The following DST variants were observed in gnomAD, a reference collection of about 807,000 sequenced individuals.
DST encodes dystonin, also known as bullous pemphigoid antigen.
In DST, 253 loss-of-function variants were observed where a neutral mutation model predicts 875.2. The observed-to-expected ratio is 0.29, with a 90% CI of 0.26 to 0.32. DST has a LOEUF of 0.32. Among genes scored for constraint, DST ranks in the 10% least tolerant of loss-of-function variants. The pLI is 1.00. For missense variants in DST, 8,287 were observed against 9,111.6 expected, an observed-to-expected ratio of 0.91 and a Z score of 3.68; for synonymous variants, 3,124 against 3,197.1, an observed-to-expected ratio of 0.98 and a Z score of 0.77.
At chr6:56,599,677 A>G (rs571547308) in intron 45 of DST, among the ~76,000 whole-genome samples, 21 of 152,224 alleles carry the variant, frequency 1.4e-4, no homozygotes, top group African/African-American at 5.1e-4. Context: ...GGAACAAATC[A>G]CAAGAAAGAA....
At chr6:56,613,906 T>C (rs1385998585) in intron 37 of DST, among the ~76,000 whole-genome samples, 3 of 152,234 alleles carry the variant, frequency 2.0e-5, no homozygotes, top group Non-Finnish European at 1.5e-5. Flanking sequence ...CTAAAGTCAA[T>C]AATCAAGAAT....
chr6:56,565,438 T>C (rs1174589542), intron 55 of DST, among the ~76,000 whole-genome samples: 10 of 152,152 alleles, frequency 6.6e-5, no homozygotes. Context: ...TCTTTTTCTA[T>C]TGTTTGGAAT....
intron 10 of DST, among the ~76,000 whole-genome samples, chr6:56,668,748 A>AC (rs1444075770): frequency 6.6e-6 from 1 of 152,028 alleles, no homozygotes; most frequent in East Asian, 1.9e-4. Context: ...AGCCGGGGCA[A>AC]CAAGAACAAA....
At chr6:56,687,867 G>C (rs1004670422) in intron 9 of DST, among the ~76,000 whole-genome samples, 6 of 151,696 alleles carry the variant, frequency 4.0e-5, no homozygotes, top group Non-Finnish European at 8.8e-5. Flanking sequence ...ATTTTAACTG[G>C]TACAAACTGC....
At chr6:56,503,594 T>TAAACAC (rs1554261511) in intron 78 of DST, among the ~76,000 whole-genome samples, 1 of 140,806 alleles carries the variant, frequency 7.1e-6, no homozygotes. Flanking sequence ...TACCTATACA[T>TAAACAC]ACACACACAC....
At chr6:56,544,876 T>C (rs934725217) in intron 61 of DST, among the ~76,000 whole-genome samples, 2 of 152,202 alleles carry the variant, frequency 1.3e-5, no homozygotes, top group African/African-American at 2.4e-5. Context: ...AGCTCATATA[T>C]AGAGCAGAAC....
chr6:56,574,024 GC>G, intron 50 of DST, 137 bp from the exon 51 acceptor site: 5 of 595,214 alleles, frequency 8.4e-6, no homozygotes, highest in Non-Finnish European at 1.4e-5. Flanking sequence ...AATTCCTAAT[GC>G]ATAATCAGAA....
chr6:56,725,801 T>C (rs1242105033), intron 5 of DST, among the ~76,000 whole-genome samples: 1 of 152,164 alleles, frequency 6.6e-6, no homozygotes, highest in African/African-American at 2.4e-5. Context: ...CCTCTAAGAA[T>C]GACTTATGAA....
At chr6:56,907,695 T>C (rs572918228) in intron 2 of DST, among the ~76,000 whole-genome samples, 75 of 152,194 alleles carry the variant, frequency 4.9e-4, no homozygotes, top group Non-Finnish European at 1.0e-3. Context: ...GAATATATGT[T>C]GACTGATTAA....
At chr6:56,622,337 A>C (rs541854546) in intron 36 of DST, among the ~76,000 whole-genome samples, 2 of 152,222 alleles carry the variant, frequency 1.3e-5, no homozygotes, top group East Asian at 3.9e-4. Flanking sequence ...TTGGGAACCC[A>C]AGGCGGGTGG....
intron 4 of DST, chr6:56,851,127 T>G: frequency 2.0e-6 from 1 of 500,482 alleles, no homozygotes; most frequent in Non-Finnish European, 3.6e-6. Flanking sequence ...GAAAGTTTAG[T>G]GCAAATGTCT....
intron 77 of DST, among the ~76,000 whole-genome samples, chr6:56,504,909 T>G (rs986753967): frequency 6.6e-6 from 1 of 152,074 alleles, no homozygotes; most frequent in African/African-American, 2.4e-5. Context: ...AGCTCTTGTT[T>G]TGACAGGATC....
intron 4 of DST, among the ~76,000 whole-genome samples, chr6:56,782,361 T>C (rs1317865128): frequency 6.6e-6 from 1 of 152,164 alleles, no homozygotes; most frequent in African/African-American, 2.4e-5. Context: ...CCTGGACTCT[T>C]TTTGGTTGGT....
intron 48 of DST, 111 bp downstream of exon 48, chr6:56,593,552 A>C: frequency 1.4e-6 from 1 of 725,828 alleles, no homozygotes; most frequent in African/African-American, 1.9e-5. Context: ...GGCTAAAGCT[A>C]CCTTTTCCTC....
intron 47 of DST, among the ~76,000 whole-genome samples, chr6:56,595,664 G>A (rs1050079089): frequency 2.0e-5 from 3 of 152,068 alleles, no homozygotes; most frequent in African/African-American, 7.3e-5. Context: ...ATTAACACTG[G>A]TATCCTCACT....
intron 2 of DST, among the ~76,000 whole-genome samples, chr6:56,910,951 T>C (rs1292518983): frequency 6.6e-6 from 1 of 152,168 alleles, no homozygotes; most frequent in African/African-American, 2.4e-5. Flanking sequence ...ACAACTTAGG[T>C]GCAGTTTTGT....
Position 56,527,581 on chromosome 6 carries a change from C to A in DST, c.17834G>T (p.Trp5945Leu). ...LHSTHEELCT[W>L]LDKVEVELLS... ...TAATTCCACCTCCACTTTGTCCAGC[C>A]AGGTACACAGCTCTTCGTGTGTGGA... The change falls in exon 68 of 104, where the codon TGG becomes TTG. Residue 5945 changes from tryptophan to leucine, a missense_variant. Trp to Leu is a moderately conservative substitution (Grantham distance 61). Transcript: ENST00000680361. 2 of 1,613,822 alleles carry A rather than the reference C, an allele frequency of 1.2e-6. No individual in the cohort carries two copies. The highest frequency in any genetic ancestry group is 1.1e-5 in the South Asian group (1 of 91,084).
At chr6:56,528,650 G>A (rs1008201281) in intron 67 of DST, among the ~76,000 whole-genome samples, 191 bp downstream of exon 67, 1 of 152,194 alleles carries the variant, frequency 6.6e-6, no homozygotes, top group African/African-American at 2.4e-5. Flanking sequence ...GAACTCAAGT[G>A]AGATCATGAG....
rs2096572166 is a variant in DST at position 56,515,634 on chromosome 6, G to T, written c.18392C>A (p.Thr6131Asn). The change falls in exon 72 of 104, where the codon ACC (threonine) becomes AAC (asparagine). Residue 6131 changes from threonine to asparagine, a missense_variant. Physicochemically the swap from Thr to Asn is moderately conservative, Grantham distance 65. This residue lies in a region of DST where 1,292 missense variants were observed against 1,552.7 expected (regional missense o/e 0.83). Coordinates refer to ENST00000680361, the MANE Select transcript of DST (RefSeq NM_001374736.1). ...KLDKVLKNYD[T>N]ICQINSERYL... Reference sequence around the variant, plus strand: ...CCTTTCTGAATTAATCTGGCAGATGGTATCATAGTTCTTCAGTACCTTGTC... The same window carrying T: ...CCTTTCTGAATTAATCTGGCAGATGTTATCATAGTTCTTCAGTACCTTGTC... 6.2e-7 allele frequency: 1 copy of T among 1,612,076 alleles called. No individual in the cohort carries two copies. Among genetic ancestry groups the T allele is most frequent in the Non-Finnish European group, 8.5e-7 (1 of 1,178,974 alleles).
Sources: gnomAD v4.1 joint callset for allele counts (sites outside exome capture counted in the v4.1 genomes callset) on GRCh38, gnomAD v4.1.1 for gene constraint, gnomAD v4.1.1 regional missense constraint, MANE v1.5 for transcripts, NCBI Gene and HGNC (gene_info 2026-07-23, HGNC 2026-07-21) for gene names.